RIOK2: variants seen among roughly 807,000 people sequenced by gnomAD.
RIOK2 encodes the protein serine/threonine-protein kinase RIO2.
In RIOK2, 46 loss-of-function variants were observed where a neutral mutation model predicts 62.4. The ratio of observed to expected loss-of-function variants is 0.74; its 90% confidence interval spans 0.58 to 0.94. RIOK2 has a LOEUF of 0.94. Among genes scored for constraint, RIOK2 ranks in the 40% least tolerant of loss-of-function variants. The probability of loss-of-function intolerance (pLI) is 0.00; values close to 1 mark genes in which losing one functional copy is unlikely to be tolerated. For missense variants in RIOK2, 574 were observed against 658.0 expected (o/e 0.87, Z 1.40); for synonymous variants, 197 against 216.0 (o/e 0.91, Z 0.77).
chr5:97,178,290 G>C (rs753198338), intron 2 of RIOK2, among the ~76,000 whole-genome samples: 3 of 92,472 alleles, frequency 3.2e-5, no homozygotes, highest in Non-Finnish European at 6.9e-5. Flanking sequence ...ATTTTCCAAA[G>C]ATGGTAGCCA....
chr5:97,168,689 G>C, intron 7 of RIOK2, 71 bp downstream of exon 7: 1 of 971,222 alleles, frequency 1.0e-6, no homozygotes, highest in Non-Finnish European at 1.5e-6. Context: ...AGATGAAAAT[G>C]TTAATTTTTA....
chr5:97,181,381 T>C (rs1749410022), intron 1 of RIOK2, among the ~76,000 whole-genome samples: 1 of 151,324 alleles, frequency 6.6e-6, no homozygotes, highest in Non-Finnish European at 1.5e-5. Flanking sequence ...GAAGTGAGAG[T>C]TGAAGATGTG....
At chr5:97,180,494 C>T (rs1749376272) in intron 1 of RIOK2, among the ~76,000 whole-genome samples, 1 of 151,696 alleles carries the variant, frequency 6.6e-6, no homozygotes, top group Non-Finnish European at 1.5e-5. Flanking sequence ...TTCATGCAAA[C>T]GCGGCTGGAA....
At position 97,180,142 on chromosome 5, in the gene RIOK2, G is replaced by GTATGTATA. The variant is rs1350504483; in HGVS notation, c.67-950_67-949insTATACATA. Among the ~76,000 whole-genome samples the GTATGTATA allele has an allele frequency of 2.2e-3, 216 of 96,044 alleles. 10 individuals carry two copies. The highest frequency in any genetic ancestry group is 8.9e-3 in the South Asian group (27 of 3,048). 63.0% of individuals were successfully genotyped at this position (96,044 alleles called of 152,430 possible). A position where few individuals can be genotyped will look rare whatever the true frequency, so the allele number is the denominator to read the frequency against. ...TGTGTATATGTATATATATATATAT[G>GTATGTATA]TATATATATATATATATATGTGCTT... is the stretch of plus-strand genomic sequence containing the variant. On this transcript the variant is annotated intron_variant, in intron 1 of 9. Coordinates refer to ENST00000283109, the MANE Select transcript of RIOK2 (RefSeq NM_018343.3).
intron 8 of RIOK2, among the ~76,000 whole-genome samples, chr5:97,166,538 AAT>A (rs1748845574): frequency 6.6e-6 from 1 of 152,230 alleles, no homozygotes. Flanking sequence ...AAATAAAACC[AAT>A]ATTTCATTTA....
intron 1 of RIOK2, chr5:97,182,800 C>G: frequency 4.9e-6 from 1 of 204,718 alleles, no homozygotes; most frequent in South Asian, 5.3e-5. Context: ...GGGGCTTAAA[C>G]CTTTCACAGC....
intron 1 of RIOK2, among the ~76,000 whole-genome samples, chr5:97,182,360 G>C (rs1319814349): frequency 6.6e-6 from 1 of 152,116 alleles, no homozygotes; most frequent in East Asian, 1.9e-4. Flanking sequence ...TCTCTTCAAA[G>C]ACTTTTCTGT....
intron 6 of RIOK2, among the ~76,000 whole-genome samples, chr5:97,169,610 T>C (rs952066291): frequency 1.3e-5 from 2 of 152,212 alleles, no homozygotes; most frequent in African/African-American, 4.8e-5. Context: ...ATGCCTCTCC[T>C]CTTTGCTCAC....
chr5:97,177,637 T>C, intron 3 of RIOK2, 95 bp downstream of exon 3: 1 of 791,130 alleles, frequency 1.3e-6, no homozygotes, highest in Non-Finnish European at 2.0e-6. Flanking sequence ...ACTGTTTAGT[T>C]AGAAAAAAGG....
chr5:97,181,158 G>A (rs1749397199), intron 1 of RIOK2, among the ~76,000 whole-genome samples: 1 of 151,646 alleles, frequency 6.6e-6, no homozygotes, highest in Admixed American at 6.6e-5. Context: ...TATAGTCCCA[G>A]CTACTTGGGA....
Position 97,161,454 on chromosome 5 carries a change from C to T in RIOK2, c.*1607G>A, listed in dbSNP as rs1561513587. 6.6e-6 allele frequency: 1 copy of T among 152,132 alleles called. No individual in the cohort carries two copies. Among genetic ancestry groups the T allele is most frequent in the Non-Finnish European group, 1.5e-5 (1 of 68,022 alleles). The allele number at this position is 152,132 out of a possible 1,614,324, so 9.4% of individuals were successfully genotyped here. Reference sequence around the variant, plus strand: ...ATTATAATTATACCTTAGTTTTCAACAACCAAAACAACATATCCAAAAAAA... The same window carrying T: ...ATTATAATTATACCTTAGTTTTCAATAACCAAAACAACATATCCAAAAAAA... On this transcript the variant is annotated 3_prime_UTR_variant, in exon 10 of 10. Coordinates refer to ENST00000283109, the MANE Select transcript of RIOK2 (RefSeq NM_018343.3).
chr5:97,177,042 A>C, intron 4 of RIOK2, 74 bp downstream of exon 4: 1 of 1,240,804 alleles, frequency 8.1e-7, no homozygotes, highest in Non-Finnish European at 1.2e-6. Context: ...ACAGAATCAC[A>C]CTTGTCATTA....
chr5:97,164,977 GT>G, intron 9 of RIOK2, 73 bp downstream of exon 9: 1 of 968,902 alleles, frequency 1.0e-6, no homozygotes, highest in Non-Finnish European at 1.6e-6. Flanking sequence ...ATACATTATT[GT>G]TTAATGAGAC....
intron 9 of RIOK2, among the ~76,000 whole-genome samples, chr5:97,164,477 G>C (rs1468755989): frequency 6.6e-6 from 1 of 151,418 alleles, no homozygotes; most frequent in East Asian, 2.0e-4. Context: ...CTCTAGCCTG[G>C]ATGACCTCCG....
chr5:97,166,411 G>A, intron 8 of RIOK2: 2 of 401,186 alleles, frequency 5.0e-6, no homozygotes, highest in Non-Finnish European at 5.0e-6. Context: ...TTTTGCTTCA[G>A]GAATAAAACT....
At chr5:97,181,292 A>T (rs4869150) in intron 1 of RIOK2, among the ~76,000 whole-genome samples, 43,517 of 149,428 alleles carry the variant, frequency 0.29, 6,630 homozygotes, top group Middle Eastern at 0.41. Flanking sequence ...AAAAAGAAAG[A>T]GAGAAAATTA....
rs768810125 is a variant in RIOK2 at position 97,177,225 on chromosome 5, G to T, written c.389C>A (p.Thr130Asn). The change falls in exon 4 of 10, where the codon ACC becomes AAC. Residue 130 changes from threonine (T) to asparagine (N), a missense_variant. Coordinates refer to ENST00000283109, the MANE Select transcript of RIOK2 (RefSeq NM_018343.3). ...TTTGTTTTTCAAATTTCGAAACGAG[G>T]TTCTTCCTAGTCTGTGAAGCTTTAA... ...FALKLHRLGR[T>N]SFRNLKNKRD... The T allele has an allele frequency of 2.5e-6, 4 of 1,613,454 alleles. No individual in the cohort carries two copies. The highest frequency in any genetic ancestry group is 3.3e-5 in the Admixed American group (2 of 59,992).
intron 8 of RIOK2, 187 bp downstream of exon 8, chr5:97,167,280 C>G: frequency 7.0e-7 from 1 of 1,435,252 alleles, no homozygotes; most frequent in Non-Finnish European, 9.1e-7. Context: ...TGCCTAGAAT[C>G]AGGTCAATTG....
At chr5:97,180,134 A>ATATGTATG (rs1561522407) in intron 1 of RIOK2, among the ~76,000 whole-genome samples, 34 of 33,314 alleles carry the variant, frequency 1.0e-3, no homozygotes, top group Admixed American at 1.8e-3. Flanking sequence ...ATGTATATAT[A>ATATGTATG]TATATATGTA....
Sources: gnomAD v4.1 joint callset for allele counts (sites outside exome capture counted in the v4.1 genomes callset) on GRCh38, gnomAD v4.1.1 for gene constraint, MANE v1.5 for transcripts, NCBI Gene and HGNC (gene_info 2026-07-23, HGNC 2026-07-21) for gene names.